XPO1: variants seen among roughly 807,000 people sequenced by gnomAD.
The protein encoded by XPO1 is exportin 1, also known as exportin-1.
A neutral mutation model predicts 133.3 loss-of-function variants in XPO1; 5 were observed. That is an observed-to-expected ratio of 0.04 (90% CI 0.02 to 0.08). The LOEUF is 0.08. Among genes scored for constraint, XPO1 ranks in the 10% least tolerant of loss-of-function variants. The pLI is 1.00. For synonymous variants in XPO1, 419 were observed against 408.2 expected, an observed-to-expected ratio of 1.03 and a Z score of -0.32; for missense variants, 506 against 1,267.5, an observed-to-expected ratio of 0.40 and a Z score of 9.12.
chr2:61,498,816 T>A (rs1056109539), intron 8 of XPO1, 24 bp from the exon 9 acceptor site: 3 of 1,611,564 alleles, frequency 1.9e-6, no homozygotes, highest in Non-Finnish European at 1.7e-6. Flanking sequence ...CACTTGTAAA[T>A]AATTGCTTTC....
At chr2:61,518,856 ACT>A (rs1417847308) in intron 4 of XPO1, among the ~76,000 whole-genome samples, 1 of 152,254 alleles carries the variant, frequency 6.6e-6, no homozygotes, top group Admixed American at 6.5e-5. Flanking sequence ...ACAAATCTCA[ACT>A]TATTTAAATG....
intron 4 of XPO1, among the ~76,000 whole-genome samples, chr2:61,507,229 G>C (rs1325418393): frequency 1.0e-5 from 1 of 98,576 alleles, no homozygotes; most frequent in Non-Finnish European, 1.9e-5. Context: ...GGGTGACAGC[G>C]GGAGACTCCA....
At chr2:61,480,147 G>C (rs1025585185) in intron 24 of XPO1, among the ~76,000 whole-genome samples, 2 of 152,056 alleles carry the variant, frequency 1.3e-5, no homozygotes, top group Non-Finnish European at 2.9e-5. Flanking sequence ...TTACAGGTGT[G>C]AGCCACTGTG....
At position 61,503,992 on chromosome 2, in the gene XPO1, C is replaced by T. The variant is rs962651107; in HGVS notation, c.302-1682G>A. On this transcript the variant is annotated intron_variant, in intron 4 of 24. Coordinates refer to ENST00000401558, the MANE Select transcript of XPO1 (RefSeq NM_003400.4). ...GCCTAGAGGCGGAGGCTGCAGTGAA[C>T]GGAGATCATGCCACTGCACTCCAGC... 2.4e-4 allele frequency among the ~76,000 whole-genome samples: 37 copies of T among 152,308 alleles called. 2 individuals are homozygous for T. The highest frequency in any genetic ancestry group is 1.5e-3 in the Admixed American group (23 of 15,294).
In XPO1 at chr2:61,527,597, T is replaced by G. The variant is rs185819922; in HGVS notation, c.127-1076A>C. On this transcript the variant is annotated intron_variant, in intron 2 of 24. Transcript: ENST00000401558. ...TCTCTAAATACAAAAATACATTTCA[T>G]GGAAAGACTGCTGAAAACTAGGTCT... 2.6e-5 allele frequency among the ~76,000 whole-genome samples: 4 copies of G among 152,312 alleles called. No homozygotes were observed. In the South Asian group the frequency reaches 6.2e-4, roughly 24 times the overall value.
chr2:61,514,972 G>A (rs1339743640), intron 4 of XPO1, among the ~76,000 whole-genome samples: 1 of 151,362 alleles, frequency 6.6e-6, no homozygotes, highest in Non-Finnish European at 1.5e-5. Context: ...GGGAGGCTGA[G>A]GCACAAGAAT....
At chr2:61,533,634 T>G in intron 2 of XPO1, 138 bp downstream of exon 2, 4 of 1,055,390 alleles carry the variant, frequency 3.8e-6, no homozygotes, top group Non-Finnish European at 5.0e-6. Context: ...CCAATTTTCA[T>G]TATGGTTAAT....
intron 16 of XPO1, 152 bp downstream of exon 16, chr2:61,491,883 G>C (rs1157070737): frequency 1.0e-6 from 1 of 976,492 alleles, no homozygotes; most frequent in African/African-American, 1.6e-5. Flanking sequence ...CTGGGCAACA[G>C]AGTAAGACCC....
chr2:61,480,335 A>G (rs936666912), intron 24 of XPO1: 1 of 135,330 alleles, frequency 7.4e-6, no homozygotes, highest in Non-Finnish European at 1.5e-5. Flanking sequence ...GTTGGAGTGC[A>G]ATGACGTGAT....
chr2:61,507,073 T>C (rs1697858896), intron 4 of XPO1, among the ~76,000 whole-genome samples: 1 of 150,886 alleles, frequency 6.6e-6, no homozygotes, highest in South Asian at 2.1e-4. Context: ...CTACTAAAAA[T>C]GCAAAAAATA....
At chr2:61,497,109 G>A in intron 9 of XPO1, 102 bp from the exon 10 acceptor site, 1 of 1,414,234 alleles carries the variant, frequency 7.1e-7, no homozygotes, top group Non-Finnish European at 9.4e-7. Flanking sequence ...ATTAAATATA[G>A]GGGTAGATGT....
intron 4 of XPO1, among the ~76,000 whole-genome samples, chr2:61,502,819 T>C (rs974212201): frequency 6.6e-6 from 1 of 151,916 alleles, no homozygotes; most frequent in African/African-American, 2.4e-5. Context: ...GTTGCCCAGG[T>C]TGGTCTTAAA....
At chr2:61,511,223 A>G (rs1365387185) in intron 4 of XPO1, among the ~76,000 whole-genome samples, 2 of 152,036 alleles carry the variant, frequency 1.3e-5, no homozygotes, top group African/African-American at 4.8e-5. Context: ...TCCCAGGTTT[A>G]AGCAATTCTC....
At chr2:61,493,711 A>G (rs1164214822) in intron 12 of XPO1, 183 bp downstream of exon 12, 1 of 648,626 alleles carries the variant, frequency 1.5e-6, no homozygotes, top group African/African-American at 1.8e-5. Context: ...GAGAAGGACC[A>G]CACTCTTGAG....
intron 4 of XPO1, among the ~76,000 whole-genome samples, chr2:61,520,517 T>C (rs1158409458): frequency 6.7e-6 from 1 of 149,526 alleles, no homozygotes; most frequent in South Asian, 2.1e-4. Context: ...TAGGGCATGG[T>C]GGGGCATGCC....
In XPO1 at chr2:61,502,215, T is replaced by C. The variant is rs772519840; in HGVS notation, c.363+34A>G. ...CAGACTCAATATCTAAATGATTTTA[T>C]GCTCTCCCAATAAGCTCCAAAATAA... On this transcript the variant is annotated intron_variant, in intron 5 of 24. Coordinates refer to ENST00000401558, the MANE Select transcript of XPO1 (RefSeq NM_003400.4). 1.9e-6 allele frequency: 3 copies of C among 1,600,518 alleles called. No individual in the cohort carries two copies. In the South Asian group the frequency reaches 3.4e-5, roughly 18 times the overall value.
At chr2:61,485,476 C>CCCCA (rs1553402583) in intron 20 of XPO1, 1 of 156,352 alleles carries the variant, frequency 6.4e-6, no homozygotes, top group East Asian at 1.8e-4. Flanking sequence ...TCAAGTGACC[C>CCCCA]CCCCCCCCAC....
chr2:61,506,598 C>CAAAAA lies in XPO1; in HGVS notation c.302-4293_302-4289dup, dbSNP rs71405128. 2.7e-4 allele frequency among the ~76,000 whole-genome samples: 22 copies of CAAAAA among 81,404 alleles called. 1 individual carries two copies. Among genetic ancestry groups the CAAAAA allele is most frequent in the African/African-American group, 1.0e-3 (20 of 19,858 alleles). The allele number at this position is 81,404 out of a possible 152,430, so 53.4% of individuals were successfully genotyped here. ...TGGGCGACAGAGCAAGATTCCGTCT[C>CAAAAA]AAAAAAAAAAAAAAAAATCCAATGT... On this transcript the variant is annotated intron_variant, in intron 4 of 24. Transcript: ENST00000401558.
rs576370346 is a variant in XPO1, at chr2:61,478,871, A to T, written c.3165T>A (p.Ser1055=). ...CATGTGGATTAAAGATGCCAGGGAC[A>T]GACATTTGACGTTTATGTTTCTCTT... The part of the protein sequence containing the change: ...ADEEKHKRQM[S]VPGIFNPHEI... Residue 1055 remains serine (S), a synonymous_variant, in exon 25 of 25, where the codon TCT becomes TCA. Transcript: ENST00000401558. The T allele has an allele frequency of 1.9e-6, 3 of 1,614,140 alleles. No homozygotes were observed. Among genetic ancestry groups the T allele is most frequent in the Non-Finnish European group, 2.5e-6 (3 of 1,180,000 alleles).
Sources: allele counts gnomAD v4.1 joint callset (sites outside exome capture counted in the v4.1 genomes callset), GRCh38; gene constraint gnomAD v4.1.1; transcripts MANE v1.5; gene names NCBI Gene and HGNC (gene_info 2026-07-23, HGNC 2026-07-21).